Variants in MEGF9 observed in about 807,000 individuals in gnomAD.
MEGF9 encodes the protein multiple EGF like domains 9, also known as multiple epidermal growth factor-like domains protein 9.
MEGF9 carries 6 observed loss-of-function variants against 46.8 expected under a neutral mutation model. The observed-to-expected ratio is 0.13, with a 90% CI of 0.07 to 0.25. MEGF9 has a LOEUF of 0.25. Among genes scored for constraint, MEGF9 ranks in the 10% least tolerant of loss-of-function variants. The probability of loss-of-function intolerance (pLI) is 1.00; values close to 1 mark genes in which losing one functional copy is unlikely to be tolerated. For synonymous variants in MEGF9, 302 were observed against 330.7 expected (o/e 0.91, Z 0.94); for missense variants, 683 against 792.4 (o/e 0.86, Z 1.66).
At chr9:120,689,910 A>AT in intron 1 of MEGF9, 1 of 527,266 alleles carries the variant, frequency 1.9e-6, no homozygotes, top group South Asian at 1.4e-5. Context: ...CTCCCTTCCC[A>AT]TAACAATTTT....
chr9:120,658,973 A>G (rs1018589810), intron 2 of MEGF9, among the ~76,000 whole-genome samples: 1 of 152,246 alleles, frequency 6.6e-6, no homozygotes, highest in African/African-American at 2.4e-5. Flanking sequence ...TTTTGATTAG[A>G]GAGAAAAATA....
chr9:120,658,406 A>G (rs945439685), intron 2 of MEGF9, among the ~76,000 whole-genome samples: 1 of 152,246 alleles, frequency 6.6e-6, no homozygotes, highest in African/African-American at 2.4e-5. Context: ...TCAAGGAGCT[A>G]AAAGTTCTTA....
Position 120,713,745 on chromosome 9 carries a change from G to C in MEGF9, c.601+13C>G. 7.8e-7 allele frequency: 1 copy of C among 1,285,930 alleles called. No homozygotes were observed. Among genetic ancestry groups the C allele is most frequent in the Non-Finnish European group, 9.8e-7 (1 of 1,017,028 alleles). The allele number at this position is 1,285,930 out of a possible 1,614,324, so 79.7% of individuals were successfully genotyped here. Reference sequence around the variant, plus strand: ...GAGGACGGGTCCTGCCCGAGAGGGAGCGCCGGACTCACCTGGAGGAGGCGA... The same window carrying C: ...GAGGACGGGTCCTGCCCGAGAGGGACCGCCGGACTCACCTGGAGGAGGCGA... On this transcript the variant is annotated intron_variant, in intron 1 of 5. Transcript: ENST00000373930.
intron 1 of MEGF9, among the ~76,000 whole-genome samples, chr9:120,681,946 T>C (rs773860782): frequency 6.6e-6 from 1 of 152,204 alleles, no homozygotes; most frequent in Non-Finnish European, 1.5e-5. Flanking sequence ...TCAAATGTCA[T>C]GTCCTCTTTG....
intron 2 of MEGF9, among the ~76,000 whole-genome samples, chr9:120,643,713 T>A (rs2043614065): frequency 1.3e-5 from 2 of 150,118 alleles, no homozygotes; most frequent in African/African-American, 4.9e-5. Flanking sequence ...TTTTTTTTCT[T>A]TTTTTTTTTG....
chr9:120,651,794 A>T (rs181358224), intron 2 of MEGF9, among the ~76,000 whole-genome samples: 126 of 151,484 alleles, frequency 8.3e-4, no homozygotes, highest in Non-Finnish European at 1.5e-3. Context: ...CTGGGATTAC[A>T]GGCACCCGCC....
intron 1 of MEGF9, among the ~76,000 whole-genome samples, chr9:120,699,389 T>TAAAC (rs1293523868): frequency 2.0e-5 from 3 of 152,200 alleles, no homozygotes; most frequent in Admixed American, 6.5e-5. Flanking sequence ...CTACAATGTT[T>TAAAC]ATTGTAGAAA....
intron 3 of MEGF9, among the ~76,000 whole-genome samples, chr9:120,620,723 A>G (rs1358953212): frequency 1.3e-5 from 2 of 152,230 alleles, no homozygotes; most frequent in East Asian, 1.9e-4. Flanking sequence ...AAGATCATAT[A>G]TGAGAACCCT....
intron 2 of MEGF9, among the ~76,000 whole-genome samples, chr9:120,625,014 C>CTA (rs1375746555): frequency 6.6e-6 from 1 of 152,210 alleles, no homozygotes; most frequent in Non-Finnish European, 1.5e-5. Context: ...TGGCACATGC[C>CTA]TATAGTCCCA....
intron 2 of MEGF9, among the ~76,000 whole-genome samples, chr9:120,642,676 C>G (rs980808703): frequency 3.9e-5 from 6 of 152,168 alleles, no homozygotes; most frequent in Non-Finnish European, 5.9e-5. Context: ...CAAATATCCA[C>G]AATATCTGTT....
intron 2 of MEGF9, among the ~76,000 whole-genome samples, chr9:120,630,945 G>A (rs2132308207): frequency 6.6e-6 from 1 of 152,294 alleles, no homozygotes; most frequent in East Asian, 1.9e-4. Context: ...TTTTCACTCT[G>A]TTGATTGCTG....
At chr9:120,613,371 G>T (rs1359791484) in intron 3 of MEGF9, among the ~76,000 whole-genome samples, 1 of 151,734 alleles carries the variant, frequency 6.6e-6, no homozygotes, top group Non-Finnish European at 1.5e-5. Flanking sequence ...GGTAAAACAG[G>T]ACTACGGAGG....
At chr9:120,687,670 CTGTGTGTGTGTGTGTGTGTG>C (rs71385077) in intron 1 of MEGF9, among the ~76,000 whole-genome samples, 1 of 142,060 alleles carries the variant, frequency 7.0e-6, no homozygotes, top group Non-Finnish European at 1.5e-5. Flanking sequence ...GAACACAACA[CTGTGTGTGTGTGTGTGTGTG>C]TGTGTGTGTG....
At chr9:120,639,438 G>A (rs2043592523) in intron 2 of MEGF9, among the ~76,000 whole-genome samples, 2 of 150,656 alleles carry the variant, frequency 1.3e-5, no homozygotes, top group Non-Finnish European at 1.5e-5. Flanking sequence ...AATCCGGGAG[G>A]CAGAGGTTGC....
intron 3 of MEGF9, 43 bp from the exon 4 acceptor site, chr9:120,612,582 G>A: frequency 6.5e-7 from 1 of 1,539,590 alleles, no homozygotes; most frequent in Non-Finnish European, 8.8e-7. Context: ...GATTTACCTT[G>A]AAAGCCAAGT....
intron 1 of MEGF9, among the ~76,000 whole-genome samples, chr9:120,672,296 GAAAC>G (rs954217772): frequency 6.6e-6 from 1 of 152,034 alleles, no homozygotes. Context: ...GATCAAAAAA[GAAAC>G]AAAACTGGGC....
At chr9:120,612,360 T>C (rs752892955) in intron 4 of MEGF9, 36 bp downstream of exon 4, 40 of 1,590,376 alleles carry the variant, frequency 2.5e-5, no homozygotes, top group East Asian at 4.5e-5. Flanking sequence ...TGATTTTTTT[T>C]TCCCTCTAAA....
At chr9:120,609,989 C>T (rs1192363787) in intron 4 of MEGF9, among the ~76,000 whole-genome samples, 2 of 151,080 alleles carry the variant, frequency 1.3e-5, no homozygotes, top group Admixed American at 1.3e-4. Context: ...TTAGTATATT[C>T]CCAGAGTGTG....
At chr9:120,657,947 G>C (rs2043684956) in intron 2 of MEGF9, among the ~76,000 whole-genome samples, 1 of 151,776 alleles carries the variant, frequency 6.6e-6, no homozygotes, top group South Asian at 2.1e-4. Context: ...ATTGATTATT[G>C]CTGCATTTGA....
Sources: gnomAD v4.1 joint callset for allele counts (sites outside exome capture counted in the v4.1 genomes callset) on GRCh38, gnomAD v4.1.1 for gene constraint, MANE v1.5 for transcripts, NCBI Gene and HGNC (gene_info 2026-07-23, HGNC 2026-07-21) for gene names.